The following CCKBR variants were observed in gnomAD, a reference collection of about 807,000 sequenced individuals.
CCKBR encodes the protein gastrin/cholecystokinin type B receptor.
A neutral mutation model predicts 34.6 loss-of-function variants in CCKBR; 33 were observed. The observed-to-expected ratio is 0.95, with a 90% confidence interval of 0.72 to 1.27. CCKBR has a LOEUF of 1.27. Ranked by LOEUF, CCKBR falls within the 50% of genes most tolerant of loss-of-function variation. CCKBR has a pLI of 0.00. For synonymous variants in CCKBR, 269 were observed against 267.5 expected (o/e 1.01, Z -0.06); for missense variants, 652 against 617.4 (o/e 1.06, Z -0.59).
intron 1 of CCKBR, among the ~76,000 whole-genome samples, chr11:6,267,216 C>A (rs1848222653): frequency 6.6e-6 from 1 of 152,170 alleles, no homozygotes; most frequent in Non-Finnish European, 1.5e-5. Context: ...ACTTAGCATA[C>A]TGTAACTTTT....
intron 3 of CCKBR, 40 bp downstream of exon 3, chr11:6,270,377 A>AT: frequency 6.3e-7 from 1 of 1,587,974 alleles, no homozygotes; most frequent in Non-Finnish European, 8.6e-7. Context: ...TTCCTTTCTC[A>AT]CCCCTATTAG....
chr11:6,271,510 C>A lies in CCKBR; in HGVS notation c.1311C>A (p.Ser437Arg). ...TPSIASLSRLSYTTISTLGPG is the reference protein window; with the variant it reads ...TPSIASLSRLRYTTISTLGPG ...CCATTGCTTCGCTGTCCAGGCTTAG[C>A]TACACCACCATCAGCACACTGGGCC... The change falls in exon 5 of 5, where the codon AGC becomes AGA. Residue 437 changes from serine (S) to arginine (R), a missense_variant. By Grantham distance (110) the Ser-to-Arg change is moderately radical. Transcript: ENST00000334619. 6.2e-7 allele frequency: 1 copy of A among 1,606,558 alleles called. No individual in the cohort carries two copies. Among genetic ancestry groups the A allele is most frequent in the Non-Finnish European group, 8.5e-7 (1 of 1,176,920 alleles).
At chr11:6,262,686 AAGAGAGAGAGAG>A (rs57265861) in intron 1 of CCKBR, among the ~76,000 whole-genome samples, 3,432 of 119,292 alleles carry the variant, frequency 0.029, 63 homozygotes, top group Non-Finnish European at 0.031. Flanking sequence ...TAGGCAAAGA[AAGAGAGAGAGAG>A]AGAGAGAGAG....
chr11:6,267,694 A>G (rs538921490), intron 1 of CCKBR, among the ~76,000 whole-genome samples: 1 of 152,356 alleles, frequency 6.6e-6, no homozygotes, highest in East Asian at 1.9e-4. Context: ...ACATCATTGT[A>G]TGTGCTAGGC....
At chr11:6,263,787 A>G (rs1227774333) in intron 1 of CCKBR, among the ~76,000 whole-genome samples, 1 of 152,204 alleles carries the variant, frequency 6.6e-6, no homozygotes, top group Non-Finnish European at 1.5e-5. Flanking sequence ...TAACATCTTA[A>G]TTTAGTTAAC....
Position 6,271,377 on chromosome 11 carries a change from T to C in CCKBR, c.1178T>C (p.Met393Thr), listed in dbSNP as rs1475288494. 41 of 1,614,060 alleles carry C rather than the reference T, an allele frequency of 2.5e-5. No individual in the cohort carries two copies. Among genetic ancestry groups the C allele is most frequent in the Non-Finnish European group, 3.4e-5 (40 of 1,180,046 alleles). ...GTCAACCCCCTGGTCTACTGCTTCA[T>C]GCACCGTCGCTTTCGCCAGGCCTGC... is the stretch of plus-strand genomic sequence containing the variant. Reference protein sequence around the residue: ...ACVNPLVYCFMHRRFRQACLE... With the variant: ...ACVNPLVYCFTHRRFRQACLE... The change falls in exon 5 of 5, where the codon ATG becomes ACG. Residue 393 changes from methionine (M) to threonine (T), a missense_variant. Physicochemically the swap from Met to Thr is moderately conservative, Grantham distance 81. Transcript: ENST00000334619.
intron 1 of CCKBR, among the ~76,000 whole-genome samples, chr11:6,262,887 G>T (rs975199536): frequency 1.1e-4 from 17 of 152,118 alleles, no homozygotes; most frequent in African/African-American, 4.1e-4. Flanking sequence ...GAAGATTGAA[G>T]GTGCAGATAA....
intron 1 of CCKBR, among the ~76,000 whole-genome samples, chr11:6,267,963 A>G (rs1848232889): frequency 6.6e-6 from 1 of 152,056 alleles, no homozygotes; most frequent in Admixed American, 6.5e-5. Flanking sequence ...TTCTGCCTCA[A>G]ACTCCTGAGT....
intron 1 of CCKBR, among the ~76,000 whole-genome samples, chr11:6,263,636 A>T (rs1186308328): frequency 2.6e-5 from 4 of 151,960 alleles, no homozygotes; most frequent in Admixed American, 2.6e-4. Context: ...ACAAGTGGCT[A>T]ATTTTTTGTA....
chr11:6,270,706 C>A lies in CCKBR; in HGVS notation c.714C>A (p.Tyr238Ter). ...FIPGVVMAVA[Y>*]GLISRELYLG... is the part of the protein sequence containing the mutation. ...CGGGTGTGGTTATGGCCGTGGCCTACGGGCTTATCTCTCGCGAGCTCTACT... is the reference window on the plus strand; with the variant it reads ...CGGGTGTGGTTATGGCCGTGGCCTAAGGGCTTATCTCTCGCGAGCTCTACT... Residue 238 changes from tyrosine (Y) to a stop codon, truncating the protein, a stop_gained, in exon 4 of 5, where the codon TAC (tyrosine) becomes TAA (stop). Coordinates refer to ENST00000334619, the MANE Select transcript of CCKBR (RefSeq NM_176875.4). LOFTEE classifies it high-confidence loss of function. 1.9e-6 allele frequency: 3 copies of A among 1,614,144 alleles called. No homozygotes were observed. The highest frequency in any genetic ancestry group is 2.5e-6 in the Non-Finnish European group (3 of 1,179,980).
chr11:6,271,470 A>G lies in CCKBR; in HGVS notation c.1271A>G (p.Asp424Gly). 1 of 1,612,608 alleles carries G rather than the reference A, an allele frequency of 6.2e-7. No individual in the cohort carries two copies. The highest frequency in any genetic ancestry group is 8.5e-7 in the Non-Finnish European group (1 of 1,179,906). ...RARPRALPDE[D>G]PPTPSIASLS... Reference sequence around the variant, plus strand: ...CGCCCCAGGGCTCTTCCCGATGAGGACCCTCCCACTCCCTCCATTGCTTCG... The same window carrying G: ...CGCCCCAGGGCTCTTCCCGATGAGGGCCCTCCCACTCCCTCCATTGCTTCG... Residue 424 changes from aspartate (D) to glycine (G), a missense_variant, in exon 5 of 5, where the codon GAC (aspartate) becomes GGC (glycine). Physicochemically the swap from Asp to Gly is moderately conservative, Grantham distance 94. Coordinates refer to ENST00000334619, the MANE Select transcript of CCKBR (RefSeq NM_176875.4).
At chr11:6,260,835 G>A (rs567554443) in intron 1 of CCKBR, among the ~76,000 whole-genome samples, 1 of 152,322 alleles carries the variant, frequency 6.6e-6, no homozygotes, top group African/African-American at 2.4e-5. Flanking sequence ...ATGGCCCATA[G>A]CCAAGTGCAG....
intron 3 of CCKBR, 64 bp downstream of exon 3, chr11:6,270,401 T>A: frequency 1.3e-6 from 2 of 1,543,642 alleles, no homozygotes; most frequent in Non-Finnish European, 1.8e-6. Flanking sequence ...CTTACGACCA[T>A]TGCCCAGAAT....
chr11:6,271,595 C>T lies in CCKBR; in HGVS notation c.*52C>T. ...GCAGGGCAAATGACATGCACTGACCCTTCCAGACATACGAAACACAAACCA... is the reference window on the plus strand; with the variant it reads ...GCAGGGCAAATGACATGCACTGACCTTTCCAGACATACGAAACACAAACCA... On this transcript the variant is annotated 3_prime_UTR_variant, in exon 5 of 5. Transcript: ENST00000334619. 2.0e-6 allele frequency: 3 copies of T among 1,490,064 alleles called. No individual in the cohort carries two copies. Among genetic ancestry groups the T allele is most frequent in the Non-Finnish European group, 2.7e-6 (3 of 1,118,890 alleles). The allele number at this position is 1,490,064 out of a possible 1,614,324, so 92.3% of individuals were successfully genotyped here. A position where few individuals can be genotyped will look rare whatever the true frequency, so the allele number is the denominator to read the frequency against.
intron 1 of CCKBR, among the ~76,000 whole-genome samples, chr11:6,261,454 A>AAAAAAAAATATATATATAT (rs1447691939): frequency 1.6e-5 from 1 of 60,894 alleles, no homozygotes; most frequent in Non-Finnish European, 3.0e-5. Context: ...AAAAAAAAAA[A>AAAAAAAAATATATATATAT]ATATATATAC....
In CCKBR at chr11:6,271,276, T is replaced by A; in HGVS notation, c.1077T>A (p.Asp359Glu). The A allele has an allele frequency of 6.2e-7, 1 of 1,614,236 alleles. No individual in the cohort carries two copies. Among genetic ancestry groups the A allele is most frequent in the South Asian group, 1.1e-5 (1 of 91,088 alleles). ...GTGCCAACACGTGGCGCGCCTTTGA[T>A]GGCCCGGGTGCACACCGAGCACTCT... is the stretch of plus-strand genomic sequence containing the variant. ...VYSANTWRAFDGPGAHRALSG... is the reference protein window; with the variant it reads ...VYSANTWRAFEGPGAHRALSG... The change falls in exon 5 of 5, where the codon GAT becomes GAA. Residue 359 changes from aspartate (D) to glutamate (E), a missense_variant. Asp to Glu is a conservative substitution (Grantham distance 45). Coordinates refer to ENST00000334619, the MANE Select transcript of CCKBR (RefSeq NM_176875.4).
In CCKBR at chr11:6,270,296, G is replaced by A; in HGVS notation, c.612G>A (p.Gln204=). Residue 204 remains glutamine, a synonymous_variant, in exon 3 of 5, where the codon CAG becomes CAA. Transcript: ENST00000334619. ...AACCAGTGGGGCCTCGTGTGCTGCA[G>A]TGCGTGCATCGCTGGCCCAGTGCGC... ...VVQPVGPRVL[Q]CVHRWPSARV... is the part of the protein sequence containing the mutation. 1 of 1,613,486 alleles carries A rather than the reference G, an allele frequency of 6.2e-7. No homozygotes were observed. The highest frequency in any genetic ancestry group is 1.1e-5 in the South Asian group (1 of 91,074).
intron 1 of CCKBR, among the ~76,000 whole-genome samples, chr11:6,266,827 A>C (rs1848216472): frequency 6.6e-6 from 1 of 152,182 alleles, no homozygotes; most frequent in Non-Finnish European, 1.5e-5. Context: ...TAAACATCAT[A>C]GAGTGTTTGT....
rs17846993 is a variant in CCKBR at position 6,260,103 on chromosome 11, C to T, written c.151+24C>T. ...AGGTGGGTGCCTCCCTCAGCCCCCC[C>T]CACAAGCTATTTCTCACTGTACCCC... On this transcript the variant is annotated intron_variant, in intron 1 of 4. Transcript: ENST00000334619. 148 of 1,569,020 alleles carry T rather than the reference C, an allele frequency of 9.4e-5. 1 individual carries two copies. The East Asian group carries it at 3.6e-3, about 38-fold the overall frequency.
Sources: allele counts gnomAD v4.1 joint callset (sites outside exome capture counted in the v4.1 genomes callset), GRCh38; gene constraint gnomAD v4.1.1; transcripts MANE v1.5; gene names NCBI Gene and HGNC (gene_info 2026-07-23, HGNC 2026-07-21).